TMED5: variants seen among roughly 807,000 people sequenced by gnomAD.
TMED5 encodes the protein transmembrane p24 trafficking protein 5, also known as transmembrane emp24 domain-containing protein 5.
Under a neutral mutation model 23.0 loss-of-function variants are expected in TMED5, and 27 were observed. The observed-to-expected ratio is 1.17, with a 90% CI of 0.86 to 1.62. The LOEUF is 1.62. TMED5 is among the 40% of genes most tolerant of loss of function. The pLI is 0.00. For synonymous variants in TMED5, 97 were observed against 100.8 expected (o/e 0.96, Z 0.23); for missense variants, 248 against 273.7 (o/e 0.91, Z 0.66).
At chr1:93,157,545 T>TG (rs1648116121) in intron 2 of TMED5, among the ~76,000 whole-genome samples, 1 of 152,134 alleles carries the variant, frequency 6.6e-6, no homozygotes, top group East Asian at 1.9e-4. Context: ...TGGGCAAAAG[T>TG]GAGACCTTGT....
Position 93,154,623 on chromosome 1 carries a change from C to T in TMED5, c.*47G>A, listed in dbSNP as rs1326834385. 7.2e-7 allele frequency: 1 copy of T among 1,381,264 alleles called. No homozygotes were observed. The highest frequency in any genetic ancestry group is 1.0e-6 in the Non-Finnish European group (1 of 983,112). 85.6% of individuals were successfully genotyped at this position (1,381,264 alleles called of 1,614,324 possible). ...TGGTCTTGACTGTAACAGTTTATTG[C>T]ATTTTTATGCCTCATTTTTCAATGT... On this transcript the variant is annotated 3_prime_UTR_variant, in exon 4 of 4. Transcript: ENST00000370282.
intron 2 of TMED5, among the ~76,000 whole-genome samples, chr1:93,157,737 G>A (rs1054110174): frequency 1.3e-5 from 2 of 152,080 alleles, no homozygotes; most frequent in Non-Finnish European, 2.9e-5. Flanking sequence ...AAAAGAAAAA[G>A]CCTACTTAAG....
chr1:93,174,508 G>A (rs1648840947), intron 1 of TMED5, among the ~76,000 whole-genome samples: 1 of 152,054 alleles, frequency 6.6e-6, no homozygotes, highest in African/African-American at 2.4e-5. Flanking sequence ...TTTTAGGCTT[G>A]GGGATACATG....
At chr1:93,177,692 T>C (rs1444427979) in intron 1 of TMED5, among the ~76,000 whole-genome samples, 3 of 151,070 alleles carry the variant, frequency 2.0e-5, no homozygotes, top group Non-Finnish European at 4.4e-5. Context: ...GAGGTATAAA[T>C]GTAAAATTAA....
chr1:93,157,136 A>C (rs1648102436), intron 2 of TMED5, among the ~76,000 whole-genome samples: 1 of 152,120 alleles, frequency 6.6e-6, no homozygotes, highest in African/African-American at 2.4e-5. Flanking sequence ...CTGCCAACCT[A>C]CCCTACAACT....
intron 1 of TMED5, among the ~76,000 whole-genome samples, chr1:93,173,156 A>C (rs1017419168): frequency 1.7e-4 from 26 of 152,200 alleles, no homozygotes; most frequent in African/African-American, 6.3e-4. Context: ...GAAGGTGACT[A>C]TGGTCAATAA....
At chr1:93,174,710 T>C (rs1397163065) in intron 1 of TMED5, among the ~76,000 whole-genome samples, 1 of 152,206 alleles carries the variant, frequency 6.6e-6, no homozygotes, top group Non-Finnish European at 1.5e-5. Context: ...TCTTACCATT[T>C]AGCTCTCACT....
chr1:93,176,033 T>C (rs1648898044), intron 1 of TMED5, among the ~76,000 whole-genome samples: 1 of 152,180 alleles, frequency 6.6e-6, no homozygotes, highest in Non-Finnish European at 1.5e-5. Context: ...GCCAAAACGA[T>C]CTTTTAAAAA....
intron 1 of TMED5, among the ~76,000 whole-genome samples, chr1:93,168,343 G>C (rs1648579326): frequency 6.6e-6 from 1 of 152,192 alleles, no homozygotes; most frequent in Admixed American, 6.5e-5. Context: ...TAAAAGAACT[G>C]CTAGAGTGGA....
intron 1 of TMED5, among the ~76,000 whole-genome samples, chr1:93,168,709 C>A (rs1039065771): frequency 2.0e-5 from 3 of 152,162 alleles, no homozygotes; most frequent in Non-Finnish European, 4.4e-5. Flanking sequence ...GTGGCACGTG[C>A]CTGTAGTCCC....
intron 1 of TMED5, among the ~76,000 whole-genome samples, chr1:93,170,168 C>T (rs948013390): frequency 3.3e-5 from 5 of 152,248 alleles, no homozygotes; most frequent in African/African-American, 9.6e-5. Flanking sequence ...ACTCTGGCCA[C>T]GCCTGAGGAG....
intron 1 of TMED5, chr1:93,162,293 CA>C (rs1335987801): frequency 6.6e-6 from 1 of 152,100 alleles, no homozygotes; most frequent in African/African-American, 2.4e-5. Flanking sequence ...ATGAAGAAGA[CA>C]TGTAACAATT....
chr1:93,171,121 G>A (rs1648714911), intron 1 of TMED5, among the ~76,000 whole-genome samples: 3 of 152,090 alleles, frequency 2.0e-5, no homozygotes, highest in Admixed American at 6.5e-5. Context: ...CACTCACCAC[G>A]AAGGTCTGCA....
chr1:93,173,940 T>G (rs1410786449), intron 1 of TMED5, among the ~76,000 whole-genome samples: 3 of 152,002 alleles, frequency 2.0e-5, no homozygotes, highest in Non-Finnish European at 4.4e-5. Context: ...AGGCATTCAA[T>G]AGAGTTACAA....
At chr1:93,164,270 A>G (rs148394228) in intron 1 of TMED5, among the ~76,000 whole-genome samples, 338 of 152,258 alleles carry the variant, frequency 2.2e-3, no homozygotes, top group African/African-American at 7.9e-3. Context: ...AAAGACATGA[A>G]AACTAGAGTG....
At chr1:93,167,107 T>C (rs1307846776) in intron 1 of TMED5, among the ~76,000 whole-genome samples, 1 of 152,214 alleles carries the variant, frequency 6.6e-6, no homozygotes, top group African/African-American at 2.4e-5. Context: ...TCTATTATGT[T>C]ACATTGGTCT....
chr1:93,157,980 C>T (rs1040564330), intron 2 of TMED5, among the ~76,000 whole-genome samples: 2 of 151,902 alleles, frequency 1.3e-5, no homozygotes, highest in East Asian at 3.9e-4. Flanking sequence ...AAAAATTAGC[C>T]GGGCGTGGTG....
At chr1:93,179,703 G>T (rs1278822006) in intron 1 of TMED5, among the ~76,000 whole-genome samples, 2 of 152,262 alleles carry the variant, frequency 1.3e-5, no homozygotes, top group African/African-American at 4.8e-5. Flanking sequence ...TATCAGTTCT[G>T]CATTGTGAAA....
chr1:93,156,626 A>G, intron 2 of TMED5, 143 bp from the exon 3 acceptor site: 1 of 644,290 alleles, frequency 1.6e-6, no homozygotes, highest in South Asian at 2.0e-5. Context: ...CAAGGCTGGT[A>G]GATCACTTTA....
Sources: allele counts gnomAD v4.1 joint callset (sites outside exome capture counted in the v4.1 genomes callset), GRCh38; gene constraint gnomAD v4.1.1; transcripts MANE v1.5; gene names NCBI Gene and HGNC (gene_info 2026-07-23, HGNC 2026-07-21).